OSBPL7: variants seen among roughly 807,000 people sequenced by gnomAD.
OSBPL7 encodes oxysterol-binding protein-related protein 7.
Under a neutral mutation model 115.8 loss-of-function variants are expected in OSBPL7, and 66 were observed. That is an observed-to-expected ratio of 0.57 (90% CI 0.47 to 0.70). The LOEUF is 0.70. Ranked by LOEUF, OSBPL7 falls within the 30% of genes least tolerant of loss-of-function variation. The probability of loss-of-function intolerance (pLI) is 0.00; values close to 1 mark genes in which losing one functional copy is unlikely to be tolerated. For missense variants in OSBPL7, 902 were observed against 1,125.5 expected (o/e 0.80, Z 2.84); for synonymous variants, 441 against 439.2 (o/e 1.00, Z -0.05).
At chr17:47,815,495 G>T in intron 12 of OSBPL7, 143 bp from the exon 13 acceptor site, 1 of 1,045,798 alleles carries the variant, frequency 9.6e-7, no homozygotes, top group Non-Finnish European at 1.4e-6. Flanking sequence ...AGCAGAAGAG[G>T]CAGAGAGGAG....
rs1598010415 is a variant in OSBPL7 at position 47,808,728 on chromosome 17, C to A, written c.2298-68G>T. The A allele has an allele frequency of 6.2e-7, 1 of 1,606,064 alleles. No individual in the cohort carries two copies. The highest frequency in any genetic ancestry group is 2.2e-5 in the East Asian group (1 of 44,798). ...GGGCCCCCAAACCCAAGGCCTCTGT[C>A]TCTGCCCAACTCTGTCCTCTAGACA... is the stretch of plus-strand genomic sequence containing the variant. On this transcript the variant is annotated intron_variant, in intron 21 of 22. Transcript: ENST00000007414. This position sits in a 1 kb window ranked among gnomAD's most constrained non-coding sequence, Gnocchi z 6.1.
At chr17:47,811,277 T>C (rs1334090570) in intron 16 of OSBPL7, among the ~76,000 whole-genome samples, 1 of 141,068 alleles carries the variant, frequency 7.1e-6, no homozygotes, top group African/African-American at 2.7e-5. Flanking sequence ...TTGTTCCCAC[T>C]TGGAATGGCT....
chr17:47,815,385 G>C (rs556483129), intron 12 of OSBPL7, 33 bp from the exon 13 acceptor site: 1 of 1,611,538 alleles, frequency 6.2e-7, no homozygotes, highest in African/African-American at 1.3e-5. Context: ...GTCAGGCTCC[G>C]GGGCCAAGCC....
At position 47,816,426 on chromosome 17, in the gene OSBPL7, T is replaced by C; in HGVS notation, c.985A>G (p.Arg329Gly). Reference sequence around the variant, plus strand: ...AACTCTGAGCCCTGGTGCATGTCCCTCAGTTGGTCCCGTTCCATGGTGAGG... The same window carrying C: ...AACTCTGAGCCCTGGTGCATGTCCCCCAGTTGGTCCCGTTCCATGGTGAGG... ...AALTMERDQL[R>G]DMHQGSELSR... The change falls in exon 11 of 23, where the codon AGG becomes GGG. Residue 329 changes from arginine to glycine, a missense_variant. Transcript: ENST00000007414. The surrounding 1 kb of genome is among the most constrained non-coding windows in gnomAD (Gnocchi z 5.8). 1 of 1,541,050 alleles carries C rather than the reference T, an allele frequency of 6.5e-7. No homozygotes were observed. The highest frequency in any genetic ancestry group is 8.8e-7 in the Non-Finnish European group (1 of 1,141,560).
Position 47,809,290 on chromosome 17 carries a change from A to G in OSBPL7, c.2025+44T>C, listed in dbSNP as rs756994792. The G allele has an allele frequency of 7.4e-6, 12 of 1,611,100 alleles. No homozygotes were observed. The South Asian group carries it at 1.3e-4, about 18-fold the overall frequency. On this transcript the variant is annotated intron_variant, in intron 19 of 22. Transcript: ENST00000007414. The stretch of plus-strand genomic sequence containing the variant: ...TAGCCAGGGTGACCTCCAGAGACAG[A>G]GGCTGCCGGGGATGGATGGGCAGGG...
chr17:47,814,482 C>CCCCCCCCCCCCCCCCCCTCCT, intron 14 of OSBPL7, 39 bp downstream of exon 14: 1 of 1,062,014 alleles, frequency 9.4e-7, no homozygotes. Context: ...TTTTTCCACC[C>CCCCCCCCCCCCCCCCCCTCCT]GCCTCCCACC....
chr17:47,817,234 T>A (rs1293582667), intron 8 of OSBPL7, 22 bp downstream of exon 8: 1 of 1,559,976 alleles, frequency 6.4e-7, no homozygotes, highest in South Asian at 1.2e-5. Flanking sequence ...AGCAGGACCC[T>A]GTGTGTACCC....
intron 18 of OSBPL7, among the ~76,000 whole-genome samples, chr17:47,809,968 C>CAGTGCAGTG (rs2032990515): frequency 6.9e-6 from 1 of 144,862 alleles, no homozygotes; most frequent in Non-Finnish European, 1.5e-5. Context: ...GGCTGGAGTG[C>CAGTGCAGTG]AGTGCAGTGG....
At chr17:47,817,144 G>T in intron 8 of OSBPL7, 112 bp downstream of exon 8, 1 of 864,868 alleles carries the variant, frequency 1.2e-6, no homozygotes. Context: ...GAAACCAGGC[G>T]ATGCATGGCT....
At chr17:47,820,459 A>T (rs1243213981) in intron 1 of OSBPL7, 94 bp from the exon 2 acceptor site, 17 of 606,584 alleles carry the variant, frequency 2.8e-5, no homozygotes, top group Non-Finnish European at 4.3e-5. Context: ...AGGGCTCCCC[A>T]ACATACCCTC....
At chr17:47,810,555 T>C (rs754380586) in intron 18 of OSBPL7, 39 bp downstream of exon 18, 4 of 1,570,866 alleles carry the variant, frequency 2.5e-6, no homozygotes, top group Non-Finnish European at 3.5e-6. Context: ...AAGGATTGCC[T>C]GTGGCTTGGC....
At chr17:47,814,438 C>T (rs1228369394) in intron 14 of OSBPL7, 83 bp downstream of exon 14, 34 of 1,313,600 alleles carry the variant, frequency 2.6e-5, no homozygotes, top group Non-Finnish European at 2.7e-5. Flanking sequence ...CAAGGGATGG[C>T]CTTTGCATGG....
At chr17:47,819,921 T>TGA in intron 3 of OSBPL7, 50 bp downstream of exon 3, 4 of 1,343,820 alleles carry the variant, frequency 3.0e-6, no homozygotes, top group Non-Finnish European at 3.1e-6. Context: ...TGCCCCCCAT[T>TGA]CCCACCCCGC....
chr17:47,819,797 A>C lies in OSBPL7; in HGVS notation c.202-15T>G. 6.2e-6 allele frequency: 10 copies of C among 1,614,136 alleles called. No homozygotes were observed. Among genetic ancestry groups the C allele is most frequent in the Non-Finnish European group, 8.5e-6 (10 of 1,180,010 alleles). On this transcript the variant is annotated splice_polypyrimidine_tract_variant and intron_variant, in intron 3 of 22. Coordinates refer to ENST00000007414, the MANE Select transcript of OSBPL7 (RefSeq NM_145798.3). ...ACAAAGTATCTCTGTGATGTTGCCCAGGAGTGACAGGACCCGGGAGGCCGA... is the reference window on the plus strand; with the variant it reads ...ACAAAGTATCTCTGTGATGTTGCCCCGGAGTGACAGGACCCGGGAGGCCGA...
chr17:47,817,247 G>A lies in OSBPL7; in HGVS notation c.702+9C>T, dbSNP rs1207287555. The A allele has an allele frequency of 1.3e-6, 2 of 1,582,374 alleles. No individual in the cohort carries two copies. The highest frequency in any genetic ancestry group is 1.7e-6 in the Non-Finnish European group (2 of 1,169,158). On this transcript the variant is annotated intron_variant, in intron 8 of 22. Transcript: ENST00000007414. ...TGAGCAGGACCCTGTGTGTACCCCT[G>A]GATCTTACCTGGTGTGTGGGGATAA...
At chr17:47,819,130 G>T (rs200429947) in intron 4 of OSBPL7, 31 bp from the exon 5 acceptor site, 1 of 1,589,704 alleles carries the variant, frequency 6.3e-7, no homozygotes, top group Non-Finnish European at 8.6e-7. Context: ...GAGGGAGAGG[G>T]GACCTGTTTT....
intron 12 of OSBPL7, chr17:47,815,798 G>T (rs2033195442): frequency 2.9e-6 from 1 of 344,460 alleles, no homozygotes; most frequent in East Asian, 5.9e-5. Flanking sequence ...CCGAGTCTCA[G>T]TTCAGCCCGT....
At chr17:47,815,925 A>G (rs960708033) in intron 12 of OSBPL7, 182 bp downstream of exon 12, 2 of 558,882 alleles carry the variant, frequency 3.6e-6, no homozygotes, top group Non-Finnish European at 6.4e-6. Flanking sequence ...AGTACCCTGC[A>G]CGTTGTTACA....
intron 1 of OSBPL7, among the ~76,000 whole-genome samples, chr17:47,821,419 A>G (rs749060182): frequency 6.6e-6 from 1 of 152,194 alleles, no homozygotes; most frequent in Non-Finnish European, 1.5e-5. Context: ...TCCTGCATTC[A>G]GCCATTGAAA....
Sources: allele counts gnomAD v4.1 joint callset (sites outside exome capture counted in the v4.1 genomes callset), GRCh38; gene constraint gnomAD v4.1.1; non-coding constraint Gnocchi (gnomAD v3.1); transcripts MANE v1.5; gene names NCBI Gene and HGNC (gene_info 2026-07-23, HGNC 2026-07-21).